The following VIPR2 variants were observed in gnomAD, a reference collection of about 807,000 sequenced individuals.
VIPR2 encodes vasoactive intestinal polypeptide receptor 2.
VIPR2 carries 48 observed loss-of-function variants against 58.0 expected under a neutral mutation model. The ratio of observed to expected loss-of-function variants is 0.83; its 90% confidence interval spans 0.66 to 1.05. VIPR2 has a LOEUF of 1.05. Among genes scored for constraint, VIPR2 ranks in the 50% least tolerant of loss-of-function variants. The pLI is 0.00. For missense variants in VIPR2, 534 were observed against 558.0 expected (o/e 0.96, Z 0.43); for synonymous variants, 243 against 235.2 (o/e 1.03, Z -0.30).
chr7:159,132,866 CAGAATGATTGGCATACAGAT>C lies in VIPR2; in HGVS notation c.151+9560_151+9579del, dbSNP rs1797006435. Among the ~76,000 whole-genome samples, 52 of 117,084 alleles carry C rather than the reference CAGAATGATTGGCATACAGAT, an allele frequency of 4.4e-4. 1 individual carries two copies. Among genetic ancestry groups the C allele is most frequent in the South Asian group, 5.3e-4 (2 of 3,746 alleles). 76.8% of individuals were successfully genotyped at this position (117,084 alleles called of 152,430 possible). ...GATTGGCATACCGATTGATTTTAGA[CAGAATGATTGGCATACAGAT>C]TGATTTCAGACAGAATGATTGGCAT... On this transcript the variant is annotated intron_variant, in intron 2 of 12. Coordinates refer to ENST00000262178, the MANE Select transcript of VIPR2 (RefSeq NM_003382.5).
At chr7:159,122,725 GA>G (rs1310351116) in intron 2 of VIPR2, among the ~76,000 whole-genome samples, 1 of 152,158 alleles carries the variant, frequency 6.6e-6, no homozygotes, top group Non-Finnish European at 1.5e-5. Flanking sequence ...AGAGTTTGTA[GA>G]AAAACTAATT....
intron 2 of VIPR2, among the ~76,000 whole-genome samples, chr7:159,118,682 T>C (rs901567922): frequency 1.3e-5 from 2 of 152,266 alleles, no homozygotes; most frequent in African/African-American, 4.8e-5. Flanking sequence ...TCTTTCATTA[T>C]AGAAAGTGAC....
intron 3 of VIPR2, among the ~76,000 whole-genome samples, chr7:159,105,306 G>A (rs1298033224): frequency 6.6e-6 from 1 of 152,092 alleles, no homozygotes; most frequent in African/African-American, 2.4e-5. Flanking sequence ...AGCCAGAGCG[G>A]AGCCCCTGTC....
chr7:159,122,109 A>C (rs768162031), intron 2 of VIPR2, among the ~76,000 whole-genome samples: 43 of 152,152 alleles, frequency 2.8e-4, no homozygotes, highest in Non-Finnish European at 2.1e-4. Flanking sequence ...TTATGCGTGG[A>C]GTTCTAGAGG....
intron 5 of VIPR2, among the ~76,000 whole-genome samples, chr7:159,050,533 A>C (rs1854936487): frequency 1.3e-5 from 2 of 151,990 alleles, no homozygotes; most frequent in African/African-American, 4.8e-5. Context: ...AAAACCTTGA[A>C]ATTAAGAGTT....
At chr7:159,071,285 T>C (rs1011778002) in intron 4 of VIPR2, among the ~76,000 whole-genome samples, 2 of 152,184 alleles carry the variant, frequency 1.3e-5, no homozygotes, top group Non-Finnish European at 2.9e-5. Context: ...AGAGGGTCTC[T>C]TCCTAGGAGG....
rs1853368776 is a variant in VIPR2 at position 159,028,710 on chromosome 7, G to C, written c.*1906C>G. 1 of 153,040 alleles carries C rather than the reference G, an allele frequency of 6.5e-6. No individual in the cohort carries two copies. Among genetic ancestry groups the C allele is most frequent in the Non-Finnish European group, 1.5e-5 (1 of 68,682 alleles). 9.5% of individuals were successfully genotyped at this position (153,040 alleles called of 1,614,324 possible). A position where few individuals can be genotyped will look rare whatever the true frequency, so the allele number is the denominator to read the frequency against. On this transcript the variant is annotated 3_prime_UTR_variant, in exon 13 of 13. Coordinates refer to ENST00000262178, the MANE Select transcript of VIPR2 (RefSeq NM_003382.5). ...AGCCGAGGGGCCGCACTGAACCTGGGGTCTGCAGCGTCCACCTGCCTCCCT... is the reference window on the plus strand; with the variant it reads ...AGCCGAGGGGCCGCACTGAACCTGGCGTCTGCAGCGTCCACCTGCCTCCCT...
intron 4 of VIPR2, among the ~76,000 whole-genome samples, chr7:159,081,318 T>C (rs1856887816): frequency 6.6e-6 from 1 of 152,088 alleles, no homozygotes; most frequent in Non-Finnish European, 1.5e-5. Context: ...ATGCCACATA[T>C]CTACAACTAT....
At chr7:159,130,707 G>C (rs551110443) in intron 2 of VIPR2, among the ~76,000 whole-genome samples, 1 of 152,196 alleles carries the variant, frequency 6.6e-6, no homozygotes, top group Admixed American at 6.5e-5. Flanking sequence ...TGGCGTGGCC[G>C]GCATCACGTC....
rs1797621931 is a variant in VIPR2, at chr7:159,144,731, A to C, written c.41T>G (p.Leu14Arg). The change falls in exon 1 of 13, where the codon CTG (leucine) becomes CGG (arginine). Residue 14 changes from leucine to arginine, a missense_variant. By Grantham distance (102) the Leu-to-Arg change is moderately radical (BLOSUM62 -2). Coordinates refer to ENST00000262178, the MANE Select transcript of VIPR2 (RefSeq NM_003382.5). ...LLPPALLTCWLLAPVNSIHPE... is the reference protein window; with the variant it reads ...LLPPALLTCWRLAPVNSIHPE... Reference sequence around the variant, plus strand: ...CGCGGGCGCACTCACGGGGGCGAGCAGCCAGCAGGTCAGCAGCGCGGGAGG... The same window carrying C: ...CGCGGGCGCACTCACGGGGGCGAGCCGCCAGCAGGTCAGCAGCGCGGGAGG... 3 of 1,324,218 alleles carry C rather than the reference A, an allele frequency of 2.3e-6. No homozygotes were observed. The Admixed American group carries it at 1.2e-4, about 53-fold the overall frequency. The allele number at this position is 1,324,218 out of a possible 1,614,324, so 82.0% of individuals were successfully genotyped here.
At chr7:159,086,495 A>G (rs1428405861) in intron 4 of VIPR2, among the ~76,000 whole-genome samples, 1 of 152,222 alleles carries the variant, frequency 6.6e-6, no homozygotes, top group Non-Finnish European at 1.5e-5. Flanking sequence ...GACCTGCCAC[A>G]TGGGTTTGCC....
intron 10 of VIPR2, among the ~76,000 whole-genome samples, chr7:159,033,503 C>A (rs1853717969): frequency 6.6e-6 from 1 of 152,172 alleles, no homozygotes; most frequent in African/African-American, 2.4e-5. Flanking sequence ...AAAATAAATT[C>A]TTGATATAAA....
intron 4 of VIPR2, among the ~76,000 whole-genome samples, chr7:159,102,012 ACGAGGCAG>A (rs1321056575): frequency 2.9e-4 from 35 of 118,910 alleles, no homozygotes; most frequent in Non-Finnish European, 5.5e-4. Context: ...ACGAGATCCG[ACGAGGCAG>A]TTCCGACTGT....
At chr7:159,124,533 C>T (rs1009928435) in intron 2 of VIPR2, among the ~76,000 whole-genome samples, 1 of 152,184 alleles carries the variant, frequency 6.6e-6, no homozygotes, top group African/African-American at 2.4e-5. Context: ...CCATGCTGTT[C>T]TGGTTATGGT....
At chr7:159,034,852 TG>T (rs1490699881) in intron 8 of VIPR2, among the ~76,000 whole-genome samples, 2 of 152,058 alleles carry the variant, frequency 1.3e-5, no homozygotes, top group African/African-American at 4.8e-5. Flanking sequence ...AGTCGGCTTG[TG>T]GGGAGGAGGA....
Position 159,048,876 on chromosome 7 carries a change from G to A in VIPR2, c.456-5700C>T, listed in dbSNP as rs114255201. On this transcript the variant is annotated intron_variant, in intron 5 of 12. Coordinates refer to ENST00000262178, the MANE Select transcript of VIPR2 (RefSeq NM_003382.5). ...TTACTGATGTTCTGCACAGCTCCAG[G>A]GGCTTTCTCTAGTTCTTCCACAAAC... 6.6e-3 allele frequency among the ~76,000 whole-genome samples: 1,001 copies of A among 152,266 alleles called. 6 individuals are homozygous for A. Among genetic ancestry groups the A allele is most frequent in the African/African-American group, 0.022 (930 of 41,546 alleles).
rs973814249 is a variant in VIPR2, at chr7:159,109,821, T to C, written c.250A>G (p.Ser84Gly). 2 of 1,614,052 alleles carry C rather than the reference T, an allele frequency of 1.2e-6. No homozygotes were observed. Among genetic ancestry groups the C allele is most frequent in the African/African-American group, 2.7e-5 (2 of 74,930 alleles). ...AACCGACGGACAGTACCTGCTTTGC[T>C]GTAAAAATTGCTGAAGACTTTTGGG... ...PCPKVFSNFY[S>G]KAGNISKNCT... is the part of the protein sequence containing the mutation. The change falls in exon 3 of 13, where the codon AGC becomes GGC. Residue 84 changes from serine (S) to glycine (G), a missense_variant. Ser to Gly is a moderately conservative substitution (Grantham distance 56). Coordinates refer to ENST00000262178, the MANE Select transcript of VIPR2 (RefSeq NM_003382.5).
chr7:159,047,242 C>T (rs570567546), intron 5 of VIPR2, among the ~76,000 whole-genome samples: 2 of 152,198 alleles, frequency 1.3e-5, no homozygotes, highest in South Asian at 4.1e-4. Context: ...GAAACTTTGT[C>T]TCAAACAAAC....
chr7:159,144,811 C>T lies in VIPR2; in HGVS notation c.-40G>A, dbSNP rs1018668401. 7.2e-6 allele frequency: 9 copies of T among 1,242,060 alleles called. No homozygotes were observed. Among genetic ancestry groups the T allele is most frequent in the Non-Finnish European group, 8.0e-6 (8 of 994,440 alleles). 76.9% of individuals were successfully genotyped at this position (1,242,060 alleles called of 1,614,324 possible). A position where few individuals can be genotyped will look rare whatever the true frequency, so the allele number is the denominator to read the frequency against. On this transcript the variant is annotated 5_prime_UTR_variant, in exon 1 of 13. Coordinates refer to ENST00000262178, the MANE Select transcript of VIPR2 (RefSeq NM_003382.5). ...GCCGGGGGCCGCCCAGCGCCCGCCGCCTCCGTCCTAGGTCCCCGCGGTTCC... is the reference window on the plus strand; with the variant it reads ...GCCGGGGGCCGCCCAGCGCCCGCCGTCTCCGTCCTAGGTCCCCGCGGTTCC...
Sources: gnomAD v4.1 joint callset for allele counts (sites outside exome capture counted in the v4.1 genomes callset) on GRCh38, gnomAD v4.1.1 for gene constraint, MANE v1.5 for transcripts, NCBI Gene and HGNC (gene_info 2026-07-23, HGNC 2026-07-21) for gene names.